CACNA2D3: variants seen among roughly 807,000 people sequenced by gnomAD.
CACNA2D3 encodes the protein calcium voltage-gated channel auxiliary subunit alpha2delta 3.
A neutral mutation model predicts 160.6 loss-of-function variants in CACNA2D3; 60 were observed. The ratio of observed to expected loss-of-function variants is 0.37; its 90% CI spans 0.30 to 0.46. CACNA2D3 has a LOEUF of 0.46. CACNA2D3 is among the 20% of genes least tolerant of loss of function. The pLI is 1.00. For missense variants in CACNA2D3, 1,205 were observed against 1,365.0 expected (o/e 0.88, Z 1.85); for synonymous variants, 558 against 492.9 (o/e 1.13, Z -1.75).
intron 3 of CACNA2D3, among the ~76,000 whole-genome samples, chr3:54,368,715 T>TC (rs1288304181): frequency 7.2e-6 from 1 of 139,422 alleles, no homozygotes; most frequent in Non-Finnish European, 1.5e-5. Flanking sequence ...TTTTTTTTTT[T>TC]TTTTGAGGCG....
intron 11 of CACNA2D3, among the ~76,000 whole-genome samples, chr3:54,738,902 A>G (rs1240433944): frequency 6.6e-6 from 1 of 152,146 alleles, no homozygotes; most frequent in Non-Finnish European, 1.5e-5. Flanking sequence ...GTGCAATCCC[A>G]ATACTTTGGG....
At chr3:54,402,050 T>C (rs1020450975) in intron 4 of CACNA2D3, among the ~76,000 whole-genome samples, 1 of 152,158 alleles carries the variant, frequency 6.6e-6, no homozygotes, top group Non-Finnish European at 1.5e-5. Flanking sequence ...TAAGTTGTTA[T>C]CAGTGTAAAA....
chr3:54,928,448 G>A (rs1363266460), intron 27 of CACNA2D3, among the ~76,000 whole-genome samples: 2 of 152,090 alleles, frequency 1.3e-5, no homozygotes, highest in East Asian at 3.9e-4. Context: ...CCTGGGGGTC[G>A]AGCAGCAGAG....
intron 27 of CACNA2D3, among the ~76,000 whole-genome samples, chr3:54,938,973 G>C (rs2106977672): frequency 6.6e-6 from 1 of 152,286 alleles, no homozygotes; most frequent in South Asian, 2.1e-4. Context: ...AGAGGAAGTT[G>C]ATCTGAAAAG....
chr3:54,453,078 G>A (rs1700336644), intron 4 of CACNA2D3, among the ~76,000 whole-genome samples: 1 of 151,852 alleles, frequency 6.6e-6, no homozygotes, highest in East Asian at 1.9e-4. Context: ...TGTAGCCTCA[G>A]CCTCCTGGGC....
At position 54,897,859 on chromosome 3, in the gene CACNA2D3, C is replaced by T. The variant is rs1276456012; in HGVS notation, c.2368+989C>T. ...GAATGGGCTCATTAGGAAGACAGTC[C>T]CTCATCAATGGACATATTTAAGGAG... On this transcript the variant is annotated intron_variant, in intron 26 of 37. Transcript: ENST00000474759. Among the ~76,000 whole-genome samples the T allele has an allele frequency of 2.0e-5, 3 of 152,218 alleles. No individual in the cohort carries two copies. The South Asian group carries it at 6.2e-4, about 32-fold the overall frequency.
chr3:54,894,606 A>AACAG lies in CACNA2D3; in HGVS notation c.2247-2140_2247-2137dup, dbSNP rs780214247. On this transcript the variant is annotated intron_variant, in intron 25 of 37. Coordinates refer to ENST00000474759, the MANE Select transcript of CACNA2D3 (RefSeq NM_018398.3). Reference sequence around the variant, plus strand: ...CACCTCTTAGCTGTAATGACCACTGAACAGACCTGCTGGGAGTGCGAACAC... The same window carrying AACAG: ...CACCTCTTAGCTGTAATGACCACTGAACAGACAGACCTGCTGGGAGTGCGAACAC... The AACAG allele has an allele frequency of 5.8e-6, 3 of 516,500 alleles. No individual in the cohort carries two copies. In the Admixed American group the frequency reaches 5.8e-5, roughly 10 times the overall value. The allele number at this position is 516,500 out of a possible 1,614,324, so 32.0% of individuals were successfully genotyped here. A position where few individuals can be genotyped will look rare whatever the true frequency, so the allele number is the denominator to read the frequency against.
intron 4 of CACNA2D3, among the ~76,000 whole-genome samples, chr3:54,408,148 G>A (rs1699607713): frequency 6.6e-6 from 1 of 152,092 alleles, no homozygotes; most frequent in Admixed American, 6.6e-5. Context: ...TTTCAATTGT[G>A]ATAAGTGACA....
chr3:55,008,886 T>TGTAC, intron 33 of CACNA2D3, among the ~76,000 whole-genome samples: 1 of 53,352 alleles, frequency 1.9e-5, no homozygotes, highest in African/African-American at 7.5e-5. Context: ...CACCTCCCTC[T>TGTAC]ATACACACAC....
intron 11 of CACNA2D3, among the ~76,000 whole-genome samples, chr3:54,705,778 G>C (rs567561495): frequency 6.6e-6 from 1 of 152,278 alleles, no homozygotes; most frequent in South Asian, 2.1e-4. Flanking sequence ...CAAATAATGT[G>C]CTGATCCTAA....
intron 2 of CACNA2D3, among the ~76,000 whole-genome samples, chr3:54,169,130 G>A (rs1322194968): frequency 3.3e-5 from 5 of 152,048 alleles, no homozygotes; most frequent in African/African-American, 4.8e-5. Context: ...AGACCCCAAG[G>A]GTCATTGGTT....
At chr3:54,414,899 T>C (rs1362420981) in intron 4 of CACNA2D3, among the ~76,000 whole-genome samples, 1 of 152,038 alleles carries the variant, frequency 6.6e-6, no homozygotes, top group Non-Finnish European at 1.5e-5. Flanking sequence ...AAATAATTCA[T>C]TTTAAACACA....
chr3:54,456,725 G>T (rs1334702055), intron 4 of CACNA2D3, among the ~76,000 whole-genome samples: 1 of 151,902 alleles, frequency 6.6e-6, no homozygotes, highest in Non-Finnish European at 1.5e-5. Context: ...AAACCACTCG[G>T]TCCCGGGCTT....
intron 5 of CACNA2D3, among the ~76,000 whole-genome samples, chr3:54,535,928 C>T (rs960531275): frequency 1.3e-5 from 2 of 152,154 alleles, no homozygotes; most frequent in Non-Finnish European, 2.9e-5. Flanking sequence ...AAGTGGCCAC[C>T]AGGTAGAATG....
At chr3:54,415,544 A>G (rs956079903) in intron 4 of CACNA2D3, among the ~76,000 whole-genome samples, 4 of 152,186 alleles carry the variant, frequency 2.6e-5, no homozygotes, top group African/African-American at 9.7e-5. Context: ...TTTATGACTA[A>G]CAACTTTAGG....
chr3:55,033,582 GTGTATA>G (rs1458553747), intron 35 of CACNA2D3, among the ~76,000 whole-genome samples: 73 of 119,550 alleles, frequency 6.1e-4, no homozygotes, highest in Middle Eastern at 4.4e-3. Flanking sequence ...TTATGTGTGT[GTGTATA>G]TATATATATA....
At chr3:54,368,693 CTTTTTTTTT>C (rs33976949) in intron 3 of CACNA2D3, among the ~76,000 whole-genome samples, 14 of 71,536 alleles carry the variant, frequency 2.0e-4, no homozygotes, top group African/African-American at 4.6e-4. Flanking sequence ...GGGTAGGGTT[CTTTTTTTTT>C]TTTTTTTTTT....
intron 4 of CACNA2D3, among the ~76,000 whole-genome samples, chr3:54,447,145 A>C (rs1369647756): frequency 1.3e-5 from 2 of 152,194 alleles, no homozygotes; most frequent in African/African-American, 2.4e-5. Context: ...AATCTGTTTC[A>C]ATTCAAAATA....
chr3:54,936,381 A>G (rs900914669), intron 27 of CACNA2D3, among the ~76,000 whole-genome samples: 2 of 152,176 alleles, frequency 1.3e-5, no homozygotes, highest in African/African-American at 4.8e-5. Flanking sequence ...CCTAGAATCA[A>G]GTGCAATCTC....
Sources: allele counts gnomAD v4.1 joint callset (sites outside exome capture counted in the v4.1 genomes callset), GRCh38; gene constraint gnomAD v4.1.1; transcripts MANE v1.5; gene names NCBI Gene and HGNC (gene_info 2026-07-23, HGNC 2026-07-21).